MB21D2: variants seen among roughly 807,000 people sequenced by gnomAD.
The protein encoded by MB21D2 is nucleotidyltransferase MB21D2.
Under a neutral mutation model 33.3 loss-of-function variants are expected in MB21D2, and 9 were observed. The ratio of observed to expected loss-of-function variants is 0.27; its 90% CI spans 0.16 to 0.47. MB21D2 has a LOEUF of 0.47. Ranked by LOEUF, MB21D2 falls within the 20% of genes least tolerant of loss-of-function variation. The probability of loss-of-function intolerance (pLI) is 0.99; values close to 1 mark genes in which losing one functional copy is unlikely to be tolerated. For missense variants in MB21D2, 540 were observed against 624.6 expected, an observed-to-expected ratio of 0.86 and a Z score of 1.44; for synonymous variants, 241 against 236.3, an observed-to-expected ratio of 1.02 and a Z score of -0.18.
chr3:192,872,449 G>GCGTGGTGGCGGGCA (rs1713327471), intron 1 of MB21D2, among the ~76,000 whole-genome samples: 1 of 150,734 alleles, frequency 6.6e-6, no homozygotes, highest in South Asian at 2.1e-4. Flanking sequence ...GGTGGCGAGC[G>GCGTGGTGGCGGGCA]CCTGTAGTCC....
intron 1 of MB21D2, among the ~76,000 whole-genome samples, chr3:192,882,886 C>G (rs565092722): frequency 1.3e-5 from 2 of 152,054 alleles, no homozygotes; most frequent in African/African-American, 2.4e-5. Context: ...AGGTGCCCAC[C>G]ACCACACCCA....
chr3:192,814,649 T>C (rs985123209), intron 1 of MB21D2, among the ~76,000 whole-genome samples: 2 of 151,954 alleles, frequency 1.3e-5, no homozygotes, highest in Non-Finnish European at 2.9e-5. Flanking sequence ...GATCACGAGG[T>C]CAGGAGATCG....
chr3:192,916,099 TA>T (rs199819338), intron 1 of MB21D2, among the ~76,000 whole-genome samples: 2,083 of 35,932 alleles, frequency 0.058, 68 homozygotes, highest in African/African-American at 0.15. Flanking sequence ...TACCAGGTTT[TA>T]TATATATATA....
chr3:192,848,842 G>C (rs1712725760), intron 1 of MB21D2, among the ~76,000 whole-genome samples: 1 of 152,154 alleles, frequency 6.6e-6, no homozygotes, highest in Non-Finnish European at 1.5e-5. Flanking sequence ...AGCAAAACCA[G>C]GCATGGCTAA....
At chr3:192,878,970 AAAG>A (rs1445482779) in intron 1 of MB21D2, among the ~76,000 whole-genome samples, 22 of 152,292 alleles carry the variant, frequency 1.4e-4, no homozygotes, top group African/African-American at 1.9e-4. Context: ...TCTCTCAAAA[AAAG>A]AAGAAGAAGA....
At chr3:192,827,790 A>G (rs1056710459) in intron 1 of MB21D2, among the ~76,000 whole-genome samples, 7 of 152,092 alleles carry the variant, frequency 4.6e-5, no homozygotes, top group African/African-American at 1.5e-4. Flanking sequence ...CCACCATAAA[A>G]GTTGAATGAC....
intron 1 of MB21D2, among the ~76,000 whole-genome samples, chr3:192,861,737 G>A (rs1713047558): frequency 6.6e-6 from 1 of 152,136 alleles, no homozygotes; most frequent in Admixed American, 6.5e-5. Flanking sequence ...CCGGGAGGTG[G>A]AGGTTTGCGG....
At chr3:192,804,308 T>A (rs1446359592) in intron 1 of MB21D2, among the ~76,000 whole-genome samples, 2 of 152,020 alleles carry the variant, frequency 1.3e-5, no homozygotes, top group African/African-American at 4.8e-5. Flanking sequence ...AAAAACTAAG[T>A]ATGATTTCTT....
At chr3:192,842,606 G>A (rs888911575) in intron 1 of MB21D2, among the ~76,000 whole-genome samples, 25 of 152,080 alleles carry the variant, frequency 1.6e-4, no homozygotes, top group African/African-American at 6.0e-4. Context: ...TAATAAAAGA[G>A]AACACATGGA....
At chr3:192,825,336 G>GT (rs1553856281) in intron 1 of MB21D2, among the ~76,000 whole-genome samples, 3 of 152,180 alleles carry the variant, frequency 2.0e-5, no homozygotes, top group Non-Finnish European at 4.4e-5. Flanking sequence ...AAATGTGTGC[G>GT]TAGGGGAATG....
intron 1 of MB21D2, among the ~76,000 whole-genome samples, chr3:192,871,198 G>A (rs1178936260): frequency 5.3e-5 from 8 of 151,898 alleles, no homozygotes; most frequent in Admixed American, 2.6e-4. Context: ...CACCCACCCC[G>A]CCCTTGTTGA....
chr3:192,905,431 GT>G (rs1317834557), intron 1 of MB21D2, among the ~76,000 whole-genome samples: 2 of 151,958 alleles, frequency 1.3e-5, no homozygotes, highest in Non-Finnish European at 2.9e-5. Flanking sequence ...GAGGTCAGGA[GT>G]TCGAGACCAG....
intron 1 of MB21D2, among the ~76,000 whole-genome samples, chr3:192,875,108 G>T (rs765911708): frequency 6.6e-6 from 1 of 152,056 alleles, no homozygotes; most frequent in African/African-American, 2.4e-5. Flanking sequence ...TTTAACAAAC[G>T]GAAAGCAGTT....
chr3:192,854,540 G>A (rs1331142811), intron 1 of MB21D2, among the ~76,000 whole-genome samples: 1 of 152,208 alleles, frequency 6.6e-6, no homozygotes, highest in Non-Finnish European at 1.5e-5. Flanking sequence ...GTTATCCAGA[G>A]GCTCCAGCTA....
intron 1 of MB21D2, among the ~76,000 whole-genome samples, chr3:192,862,705 G>A (rs559812027): frequency 3.0e-4 from 45 of 152,222 alleles, no homozygotes; most frequent in Non-Finnish European, 4.9e-4. Flanking sequence ...ATACACTTAA[G>A]AGAAAAGGGA....
chr3:192,886,030 G>A (rs776145959), intron 1 of MB21D2, among the ~76,000 whole-genome samples: 5 of 152,026 alleles, frequency 3.3e-5, no homozygotes, highest in South Asian at 4.2e-4. Context: ...GCGCGATCTC[G>A]GCTGACTGCA....
intron 1 of MB21D2, among the ~76,000 whole-genome samples, chr3:192,823,958 A>T (rs1712114614): frequency 6.6e-6 from 1 of 152,194 alleles, no homozygotes; most frequent in Non-Finnish European, 1.5e-5. Context: ...AGACAGTGAA[A>T]ATCACTGCAT....
chr3:192,887,979 G>C (rs995277893), intron 1 of MB21D2, among the ~76,000 whole-genome samples: 1 of 151,954 alleles, frequency 6.6e-6, no homozygotes, highest in African/African-American at 2.4e-5. Context: ...AGGCAACAGG[G>C]GACGCGTAGG....
chr3:192,861,831 T>G (rs1392547535), intron 1 of MB21D2, among the ~76,000 whole-genome samples: 1 of 151,888 alleles, frequency 6.6e-6, no homozygotes, highest in Non-Finnish European at 1.5e-5. Context: ...AACAAAAACA[T>G]AGACCCATTT....
Sources: allele counts gnomAD v4.1 joint callset (sites outside exome capture counted in the v4.1 genomes callset), GRCh38; gene constraint gnomAD v4.1.1; transcripts MANE v1.5; gene names NCBI Gene and HGNC (gene_info 2026-07-23, HGNC 2026-07-21).